The following NRG1 variants were observed in gnomAD, a reference collection of about 807,000 sequenced individuals.
NRG1 encodes neuregulin 1.
NRG1 carries 18 observed loss-of-function variants against 63.8 expected under a neutral mutation model. The observed-to-expected ratio is 0.28, with a 90% confidence interval of 0.19 to 0.42. NRG1 has a LOEUF of 0.42. Among genes scored for constraint, NRG1 ranks in the 10% least tolerant of loss-of-function variants. NRG1 has a pLI of 1.00. For missense variants in NRG1, 762 were observed against 814.7 expected (o/e 0.94, Z 0.79); for synonymous variants, 302 against 301.3 (o/e 1.00, Z -0.02).
At chr8:32,366,187 T>C (rs949487014) in intron 1 of NRG1, among the ~76,000 whole-genome samples, 3 of 152,192 alleles carry the variant, frequency 2.0e-5, no homozygotes, top group African/African-American at 7.2e-5. Context: ...ACATTTATTA[T>C]TTCTTTGTGT....
intron 5 of NRG1, among the ~76,000 whole-genome samples, chr8:32,636,345 C>T (rs187596481): frequency 2.6e-4 from 40 of 152,200 alleles, no homozygotes; most frequent in African/African-American, 8.7e-4. Context: ...TAGTTAAATA[C>T]GGATGCTTTT....
At position 32,350,059 on chromosome 8, in the gene NRG1, C is replaced by T. The variant is rs539422790; in HGVS notation, c.38-245769C>T. 5.3e-5 allele frequency among the ~76,000 whole-genome samples: 8 copies of T among 152,244 alleles called. 1 individual carries two copies. The South Asian group carries it at 1.7e-3, about 32-fold the overall frequency. On this transcript the variant is annotated intron_variant, in intron 1 of 10. Transcript: ENST00000519301. ...GAGAAATAGGAGGCGTGGGCAGCAG[C>T]TCTCCTGGATCTCTCTCTTTCCTTG...
At chr8:32,353,431 T>C (rs781605410) in intron 1 of NRG1, among the ~76,000 whole-genome samples, 18 of 151,908 alleles carry the variant, frequency 1.2e-4, no homozygotes, top group Non-Finnish European at 1.9e-4. Flanking sequence ...TAATATTTTG[T>C]AACTAATGAA....
chr8:32,098,208 C>T (rs188514482), intron 1 of NRG1, among the ~76,000 whole-genome samples: 2 of 152,258 alleles, frequency 1.3e-5, no homozygotes, highest in East Asian at 3.9e-4. Flanking sequence ...GAAGAACTTC[C>T]ATTGCATTTG....
chr8:32,624,036 G>A (rs1348755492), intron 5 of NRG1, among the ~76,000 whole-genome samples: 1 of 152,078 alleles, frequency 6.6e-6, no homozygotes, highest in South Asian at 2.1e-4. Context: ...ATTTTATAAG[G>A]CATATTTTCT....
At chr8:32,421,192 C>G (rs564984930) in intron 1 of NRG1, among the ~76,000 whole-genome samples, 10 of 152,208 alleles carry the variant, frequency 6.6e-5, no homozygotes, top group African/African-American at 2.4e-4. Context: ...CAAACCAAAC[C>G]AGACCTGGCT....
At chr8:32,574,972 A>G (rs764518359) in intron 1 of NRG1, among the ~76,000 whole-genome samples, 1 of 152,220 alleles carries the variant, frequency 6.6e-6, no homozygotes, top group Non-Finnish European at 1.5e-5. Flanking sequence ...CCTTGAAAGC[A>G]TGGAGTTCTC....
intron 1 of NRG1, among the ~76,000 whole-genome samples, chr8:31,868,409 A>G (rs1356085999): frequency 6.6e-6 from 1 of 152,190 alleles, no homozygotes; most frequent in Non-Finnish European, 1.5e-5. Context: ...CTGATCAGTC[A>G]TCCATTTGAT....
At chr8:31,843,427 A>G (rs144608970) in intron 1 of NRG1, among the ~76,000 whole-genome samples, 103 of 152,322 alleles carry the variant, frequency 6.8e-4, no homozygotes, top group Non-Finnish European at 1.2e-3. Flanking sequence ...TCTACTGAGA[A>G]AGTAGTAATT....
chr8:32,438,387 C>T (rs10808324), intron 1 of NRG1, among the ~76,000 whole-genome samples: 47,970 of 151,950 alleles, frequency 0.32, 8,118 homozygotes, highest in South Asian at 0.41. Context: ...TCTTTGTTAT[C>T]GCTGCATAGT....
chr8:31,693,015 T>C (rs1433341006), intron 1 of NRG1, among the ~76,000 whole-genome samples: 1 of 152,176 alleles, frequency 6.6e-6, no homozygotes, highest in Non-Finnish European at 1.5e-5. Flanking sequence ...AGCTTATTAT[T>C]GTTTCTTGTG....
intron 1 of NRG1, among the ~76,000 whole-genome samples, chr8:32,098,182 A>C (rs1174079191): frequency 6.6e-6 from 1 of 152,216 alleles, no homozygotes; most frequent in Non-Finnish European, 1.5e-5. Context: ...GAAAGTGTTT[A>C]ATTAAAGAGA....
chr8:32,646,871 G>T, intron 5 of NRG1: 1 of 985,142 alleles, frequency 1.0e-6, no homozygotes, highest in Non-Finnish European at 1.2e-6. Flanking sequence ...TCTAGAGTGT[G>T]GGTAGAGAGC....
chr8:32,233,757 G>T (rs1847250699), intron 1 of NRG1, among the ~76,000 whole-genome samples: 1 of 151,498 alleles, frequency 6.6e-6, no homozygotes, highest in Non-Finnish European at 1.5e-5. Flanking sequence ...TAGAGATAGG[G>T]TTTCACCATG....
At chr8:32,390,360 C>T (rs577205003) in intron 1 of NRG1, among the ~76,000 whole-genome samples, 2 of 152,124 alleles carry the variant, frequency 1.3e-5, no homozygotes, top group African/African-American at 2.4e-5. Context: ...ACAGCCAGGG[C>T]GAATGAACCC....
chr8:32,638,843 G>A (rs2129545359), intron 5 of NRG1, among the ~76,000 whole-genome samples: 1 of 152,228 alleles, frequency 6.6e-6, no homozygotes, highest in South Asian at 2.1e-4. Flanking sequence ...AAGGAGATTG[G>A]CATTTCATTT....
At chr8:32,172,732 G>A (rs1247925317) in intron 1 of NRG1, among the ~76,000 whole-genome samples, 6 of 152,316 alleles carry the variant, frequency 3.9e-5, no homozygotes, top group African/African-American at 1.2e-4. Context: ...CTGGAAGAAA[G>A]GGTATCAGTG....
chr8:32,372,000 T>C (rs1024452005), intron 1 of NRG1, among the ~76,000 whole-genome samples: 23 of 145,612 alleles, frequency 1.6e-4, no homozygotes, highest in Non-Finnish European at 3.1e-4. Flanking sequence ...TCATTTTTTT[T>C]TTTTTTTTAA....
intron 1 of NRG1, among the ~76,000 whole-genome samples, chr8:31,860,647 A>G (rs1258803501): frequency 2.6e-5 from 4 of 152,182 alleles, no homozygotes; most frequent in Non-Finnish European, 5.9e-5. Context: ...ACTCTCCACA[A>G]GTCAGGGCAA....
Sources: gnomAD v4.1 joint callset for allele counts (sites outside exome capture counted in the v4.1 genomes callset) on GRCh38, gnomAD v4.1.1 for gene constraint, MANE v1.5 for transcripts, NCBI Gene and HGNC (gene_info 2026-07-23, HGNC 2026-07-21) for gene names.